C8A: variants seen among roughly 807,000 people sequenced by gnomAD.
C8A encodes complement C8 alpha chain, also known as complement component C8 alpha chain.
C8A carries 67 observed loss-of-function variants against 65.3 expected under a neutral mutation model. The ratio of observed to expected loss-of-function variants is 1.03; its 90% confidence interval spans 0.84 to 1.26. C8A has a LOEUF of 1.26. Among genes scored for constraint, C8A ranks in the 50% most tolerant of loss-of-function variants. The pLI, the probability that C8A is intolerant of heterozygous loss-of-function variation, is 0.00. For synonymous variants in C8A, 290 were observed against 259.4 expected, an observed-to-expected ratio of 1.12 and a Z score of -1.13; for missense variants, 781 against 723.9, an observed-to-expected ratio of 1.08 and a Z score of -0.90.
intron 7 of C8A, among the ~76,000 whole-genome samples, chr1:56,901,160 A>T (rs1361164506): frequency 6.6e-6 from 1 of 152,164 alleles, no homozygotes; most frequent in Non-Finnish European, 1.5e-5. Context: ...CACTCCAATC[A>T]TCTTTTCCAA....
At chr1:56,859,325 A>G (rs1644008057) in intron 1 of C8A, among the ~76,000 whole-genome samples, 1 of 152,262 alleles carries the variant, frequency 6.6e-6, no homozygotes, top group Non-Finnish European at 1.5e-5. Flanking sequence ...GCACTAGGGT[A>G]CAATGGTGAG....
chr1:56,861,967 G>A (rs1485395362), intron 1 of C8A, among the ~76,000 whole-genome samples: 4 of 152,268 alleles, frequency 2.6e-5, no homozygotes, highest in South Asian at 2.1e-4. Context: ...TTTGACTTGC[G>A]CATTGCTTAT....
chr1:56,918,042 G>GT lies in C8A; in HGVS notation c.*328dup, dbSNP rs564578680. The GT allele has an allele frequency of 9.8e-4, 257 of 261,020 alleles. 1 individual carries two copies. The highest frequency in any genetic ancestry group is 5.5e-3 in the African/African-American group (244 of 44,680). 16.2% of individuals were successfully genotyped at this position (261,020 alleles called of 1,614,324 possible). A position where few individuals can be genotyped will look rare whatever the true frequency, so the allele number is the denominator to read the frequency against. ...CATGACCAGGGAGAACTTACAGGAT[G>GT]TTAGAGACAAAACAAGCAGACACCT... On this transcript the variant is annotated 3_prime_UTR_variant, in exon 11 of 11. Coordinates refer to ENST00000361249, the MANE Select transcript of C8A (RefSeq NM_000562.3).
At chr1:56,874,381 C>A (rs1644177760) in intron 2 of C8A, among the ~76,000 whole-genome samples, 1 of 152,172 alleles carries the variant, frequency 6.6e-6, no homozygotes, top group South Asian at 2.1e-4. Flanking sequence ...AGGGGAATTC[C>A]AGGACCAGAA....
Position 56,886,035 on chromosome 1 carries a change from C to T in C8A, c.964C>T (p.Pro322Ser), listed in dbSNP as rs1395940773. ...AATGCTGCAGTCATTAATGGAGCTT[C>T]CAGATCAGTACAATTATGGCATGTA... ...EGMLQSLMELPDQYNYGMYAK... is the reference protein window; with the variant it reads ...EGMLQSLMELSDQYNYGMYAK... The change falls in exon 7 of 11, where the codon CCA becomes TCA. Residue 322 changes from proline to serine, a missense_variant. Pro to Ser is a moderately conservative substitution (Grantham distance 74). Transcript: ENST00000361249. 4 of 1,613,918 alleles carry T rather than the reference C, an allele frequency of 2.5e-6. No homozygotes were observed. In the African/African-American group the frequency reaches 5.3e-5, roughly 22 times the overall value.
intron 2 of C8A, 110 bp downstream of exon 2, chr1:56,867,812 G>A: frequency 2.5e-6 from 2 of 803,566 alleles, no homozygotes; most frequent in South Asian, 1.4e-5. Flanking sequence ...GAGAAATTGG[G>A]TCTAGAAATT....
chr1:56,890,850 T>A lies in C8A; in HGVS notation c.1096+4683T>A, dbSNP rs533912141. Among the ~76,000 whole-genome samples the A allele has an allele frequency of 3.3e-5, 5 of 152,250 alleles. No homozygotes were observed. The East Asian group carries it at 9.7e-4, about 29-fold the overall frequency. ...TCCTGACCATGTAGTCAAGTTTCTG[T>A]TTGTTATATCACCCTATTTTAATTC... On this transcript the variant is annotated intron_variant, in intron 7 of 10. Coordinates refer to ENST00000361249, the MANE Select transcript of C8A (RefSeq NM_000562.3).
At chr1:56,885,360 A>G (rs1644284907) in intron 6 of C8A, among the ~76,000 whole-genome samples, 1 of 106,140 alleles carries the variant, frequency 9.4e-6, no homozygotes, top group African/African-American at 4.9e-5. Flanking sequence ...ATATTTATGT[A>G]AATATATATT....
intron 9 of C8A, among the ~76,000 whole-genome samples, chr1:56,912,016 T>C (rs1049080447): frequency 5.3e-5 from 8 of 152,138 alleles, no homozygotes; most frequent in Admixed American, 1.3e-4. Flanking sequence ...TGCTCCAGGA[T>C]CACTGTGAGG....
chr1:56,883,699 C>T lies in C8A; in HGVS notation c.855+18C>T. On this transcript the variant is annotated intron_variant, in intron 6 of 10. Coordinates refer to ENST00000361249, the MANE Select transcript of C8A (RefSeq NM_000562.3). The stretch of plus-strand genomic sequence containing the variant: ...ATGAGAAGGTATTCAAACATAATGT[C>T]TGTGTCTCACAGTATTCCATAATAT... The T allele has an allele frequency of 6.3e-7, 1 of 1,593,254 alleles. No homozygotes were observed. Among genetic ancestry groups the T allele is most frequent in the Non-Finnish European group, 8.6e-7 (1 of 1,161,846 alleles).
intron 1 of C8A, among the ~76,000 whole-genome samples, chr1:56,862,081 T>C (rs143258366): frequency 6.6e-6 from 1 of 152,206 alleles, no homozygotes; most frequent in African/African-American, 2.4e-5. Context: ...ACATTCAATA[T>C]ATTTTTGATG....
intron 2 of C8A, among the ~76,000 whole-genome samples, chr1:56,868,626 A>G (rs1644114594): frequency 6.6e-6 from 1 of 152,110 alleles, no homozygotes; most frequent in African/African-American, 2.4e-5. Context: ...TCATAAATAA[A>G]TAAATACGTA....
At chr1:56,861,912 T>C (rs1644037263) in intron 1 of C8A, among the ~76,000 whole-genome samples, 1 of 152,206 alleles carries the variant, frequency 6.6e-6, no homozygotes, top group African/African-American at 2.4e-5. Flanking sequence ...TAATTAATTA[T>C]TTTCTTTTCT....
chr1:56,889,708 G>A (rs1004661320), intron 7 of C8A, among the ~76,000 whole-genome samples: 6 of 152,086 alleles, frequency 3.9e-5, no homozygotes, highest in Admixed American at 2.6e-4. Flanking sequence ...ATACTCACTG[G>A]TTTGCTCTGG....
chr1:56,909,412 C>A (rs924704241), intron 9 of C8A, among the ~76,000 whole-genome samples: 1 of 152,208 alleles, frequency 6.6e-6, no homozygotes, highest in African/African-American at 2.4e-5. Context: ...ATGGATCAAC[C>A]TTGATTTTAT....
intron 7 of C8A, among the ~76,000 whole-genome samples, chr1:56,891,445 A>C (rs1644344518): frequency 1.3e-5 from 2 of 152,182 alleles, no homozygotes; most frequent in East Asian, 3.8e-4. Flanking sequence ...GGTCATCAAC[A>C]GGGCAGTGCT....
At chr1:56,878,370 C>A (rs897342813) in intron 4 of C8A, among the ~76,000 whole-genome samples, 1 of 152,116 alleles carries the variant, frequency 6.6e-6, no homozygotes, top group Non-Finnish European at 1.5e-5. Flanking sequence ...TCAAAAGTGA[C>A]TATAGAGTAA....
chr1:56,883,758 A>C, intron 6 of C8A, 77 bp downstream of exon 6: 1 of 1,240,758 alleles, frequency 8.1e-7, no homozygotes, highest in South Asian at 1.3e-5. Flanking sequence ...TTGCATTAAA[A>C]AGTACAGTAG....
At chr1:56,866,748 C>A (rs1197966751) in intron 1 of C8A, among the ~76,000 whole-genome samples, 1 of 152,166 alleles carries the variant, frequency 6.6e-6, no homozygotes, top group Non-Finnish European at 1.5e-5. Context: ...AATGTGGAAG[C>A]CAGGCAAACT....
Sources: gnomAD v4.1 joint callset for allele counts (sites outside exome capture counted in the v4.1 genomes callset) on GRCh38, gnomAD v4.1.1 for gene constraint, MANE v1.5 for transcripts, NCBI Gene and HGNC (gene_info 2026-07-23, HGNC 2026-07-21) for gene names.